SCAPER: variants seen among roughly 807,000 people sequenced by gnomAD.
SCAPER encodes S phase cyclin A-associated protein in the endoplasmic reticulum.
SCAPER carries 98 observed loss-of-function variants against 182.2 expected under a neutral mutation model. The observed-to-expected ratio is 0.54, with a 90% CI of 0.46 to 0.64. The LOEUF (loss-of-function observed/expected upper bound fraction) is 0.64, where lower values mean the gene tolerates loss of function less well. Ranked by LOEUF, SCAPER falls within the 30% of genes least tolerant of loss-of-function variation. SCAPER has a pLI of 0.00. For synonymous variants in SCAPER, 605 were observed against 564.6 expected (o/e 1.07, Z -1.01); for missense variants, 1,432 against 1,690.0 (o/e 0.85, Z 2.68).
intron 21 of SCAPER, among the ~76,000 whole-genome samples, chr15:76,628,196 A>G (rs180836188): frequency 6.6e-6 from 1 of 152,270 alleles, no homozygotes; most frequent in African/African-American, 2.4e-5. Flanking sequence ...AATTAGATGC[A>G]TAGATTGCAA....
chr15:76,605,813 A>C (rs888337016), intron 22 of SCAPER, among the ~76,000 whole-genome samples: 8 of 152,260 alleles, frequency 5.3e-5, no homozygotes, highest in African/African-American at 1.9e-4. Flanking sequence ...ATTTGCATAG[A>C]GATGTTTATA....
In SCAPER at chr15:76,800,075, C is replaced by T. The variant is rs1036849538; in HGVS notation, c.611+173G>A. ...TTGATGAGATGTTTAGAATCCTCCC[C>T]GGGATTGCTAACCAACACACAGTGT... is the stretch of plus-strand genomic sequence containing the variant. On this transcript the variant is annotated intron_variant, in intron 7 of 31. Transcript: ENST00000563290. 6.3e-5 allele frequency among the ~76,000 whole-genome samples: 9 copies of T among 143,856 alleles called. No homozygotes were observed. In the East Asian group the frequency reaches 1.2e-3, roughly 19 times the overall value. 94.4% of individuals were successfully genotyped at this position (143,856 alleles called of 152,430 possible).
intron 23 of SCAPER, among the ~76,000 whole-genome samples, chr15:76,510,504 T>A (rs1423149010): frequency 6.6e-6 from 1 of 152,012 alleles, no homozygotes. Flanking sequence ...ATGTTCAACA[T>A]CACTAATAAT....
At chr15:76,784,595 A>G (rs567249146) in intron 8 of SCAPER, among the ~76,000 whole-genome samples, 86 of 152,346 alleles carry the variant, frequency 5.6e-4, no homozygotes, top group African/African-American at 2.0e-3. Context: ...CTACGCAAAA[A>G]GAACAAAGCT....
chr15:76,780,755 G>C (rs1412674220), intron 8 of SCAPER, among the ~76,000 whole-genome samples: 2 of 152,200 alleles, frequency 1.3e-5, no homozygotes, highest in Non-Finnish European at 1.5e-5. Flanking sequence ...TTCTGGAGGG[G>C]ACTTCCAGCA....
At chr15:76,462,702 G>C (rs1003920943) in intron 25 of SCAPER, among the ~76,000 whole-genome samples, 2 of 152,056 alleles carry the variant, frequency 1.3e-5, no homozygotes, top group African/African-American at 4.8e-5. Flanking sequence ...TGGTGGTGAG[G>C]ATACTATTTC....
chr15:76,580,014 A>G (rs1351482231), intron 22 of SCAPER, among the ~76,000 whole-genome samples: 1 of 152,194 alleles, frequency 6.6e-6, no homozygotes, highest in African/African-American at 2.4e-5. Context: ...GAGCACACAG[A>G]TATGTAAAGC....
At chr15:76,609,447 A>G (rs995537963) in intron 22 of SCAPER, among the ~76,000 whole-genome samples, 23 of 152,056 alleles carry the variant, frequency 1.5e-4, no homozygotes, top group African/African-American at 5.3e-4. Context: ...TGATCATGCC[A>G]CTGCACTTCA....
chr15:76,853,039 G>A (rs575550208), intron 4 of SCAPER, among the ~76,000 whole-genome samples: 8 of 152,038 alleles, frequency 5.3e-5, no homozygotes, highest in African/African-American at 1.7e-4. Context: ...ATCAGAAACC[G>A]CTATGAACAC....
intron 22 of SCAPER, among the ~76,000 whole-genome samples, chr15:76,608,315 G>A (rs963027902): frequency 1.3e-5 from 2 of 152,200 alleles, no homozygotes; most frequent in East Asian, 3.8e-4. Context: ...ATCAGCAGCG[G>A]TGGCTGCAGA....
intron 26 of SCAPER, among the ~76,000 whole-genome samples, chr15:76,432,992 T>C (rs201629435): frequency 5.3e-5 from 8 of 152,240 alleles, no homozygotes; most frequent in Non-Finnish European, 1.0e-4. Context: ...TACTATACTA[T>C]AGGTATAACC....
At chr15:76,778,128 CA>C (rs2063856177) in intron 8 of SCAPER, among the ~76,000 whole-genome samples, 1 of 152,122 alleles carries the variant, frequency 6.6e-6, no homozygotes, top group African/African-American at 2.4e-5. Context: ...GTTGAAAAGT[CA>C]TAAGTTGGGA....
At chr15:76,445,283 T>C (rs566623065) in intron 25 of SCAPER, among the ~76,000 whole-genome samples, 35 of 152,366 alleles carry the variant, frequency 2.3e-4, no homozygotes, top group African/African-American at 6.5e-4. Flanking sequence ...TAATTGCATG[T>C]TGAAGCATTT....
At chr15:76,726,893 A>C (rs2060629416) in intron 17 of SCAPER, among the ~76,000 whole-genome samples, 1 of 152,074 alleles carries the variant, frequency 6.6e-6, no homozygotes, top group Admixed American at 6.6e-5. Context: ...CAGTCTCGGA[A>C]ACTGAAAAAA....
chr15:76,559,201 A>ATTTTTTTTTTTTTTT (rs58642207), intron 23 of SCAPER, among the ~76,000 whole-genome samples: 6 of 121,822 alleles, frequency 4.9e-5, no homozygotes, highest in African/African-American at 1.9e-4. Context: ...CACCCAGCTA[A>ATTTTTTTTTTTTTTT]TTTTTTTTTT....
At chr15:76,632,657 G>A (rs2053220336) in intron 21 of SCAPER, among the ~76,000 whole-genome samples, 1 of 151,940 alleles carries the variant, frequency 6.6e-6, no homozygotes. Flanking sequence ...GAGACGTGTT[G>A]TGATCATTTG....
chr15:76,393,166 T>C (rs2142036564), intron 27 of SCAPER, among the ~76,000 whole-genome samples: 1 of 152,298 alleles, frequency 6.6e-6, no homozygotes, highest in African/African-American at 2.4e-5. Flanking sequence ...CCCCAGAAGT[T>C]CCTGCTTCTG....
chr15:76,610,548 A>T (rs2050884665), intron 22 of SCAPER, among the ~76,000 whole-genome samples: 1 of 152,228 alleles, frequency 6.6e-6, no homozygotes, highest in African/African-American at 2.4e-5. Context: ...TTCTACAAAA[A>T]AATCCTGATA....
intron 24 of SCAPER, among the ~76,000 whole-genome samples, chr15:76,473,260 A>C (rs1567213019): frequency 2.0e-5 from 3 of 152,206 alleles, no homozygotes; most frequent in Admixed American, 6.5e-5. Context: ...CCATTGAAGA[A>C]GGGAGTTTGA....
Sources: allele counts gnomAD v4.1 joint callset (sites outside exome capture counted in the v4.1 genomes callset), GRCh38; gene constraint gnomAD v4.1.1; transcripts MANE v1.5; gene names NCBI Gene and HGNC (gene_info 2026-07-23, HGNC 2026-07-21).